The following ACVR2A variants were observed in gnomAD, a reference collection of about 807,000 sequenced individuals.
ACVR2A encodes the protein activin receptor type-2A.
A neutral mutation model predicts 61.4 loss-of-function variants in ACVR2A; 7 were observed. That is an observed-to-expected ratio of 0.11 (90% CI 0.06 to 0.21). The LOEUF is 0.21. ACVR2A is among the 10% of genes least tolerant of loss of function. ACVR2A has a pLI of 1.00. For synonymous variants in ACVR2A, 193 were observed against 208.3 expected, an observed-to-expected ratio of 0.93 and a Z score of 0.63; for missense variants, 322 against 621.7, an observed-to-expected ratio of 0.52 and a Z score of 5.13.
chr2:147,905,041 A>G (rs925810200), intron 4 of ACVR2A, among the ~76,000 whole-genome samples: 5 of 152,078 alleles, frequency 3.3e-5, no homozygotes, highest in Admixed American at 3.3e-4. Context: ...AAAGTTAATT[A>G]TAAATACATG....
intron 1 of ACVR2A, among the ~76,000 whole-genome samples, chr2:147,855,691 TA>T (rs377351487): frequency 0.013 from 1,869 of 148,892 alleles, 42 homozygotes; most frequent in African/African-American, 0.043. Context: ...TGTCATTGCT[TA>T]AAAAAAAAAC....
At chr2:147,922,949 CTT>C in intron 8 of ACVR2A, 22 bp from the exon 9 acceptor site, 1 of 1,595,220 alleles carries the variant, frequency 6.3e-7, no homozygotes, top group East Asian at 2.2e-5. Flanking sequence ...AATGAGTACT[CTT>C]TGCTTTTAAC....
In ACVR2A at chr2:147,915,112, A is replaced by G; in HGVS notation, c.529-79A>G. 5 of 1,370,854 alleles carry G rather than the reference A, an allele frequency of 3.6e-6. No individual in the cohort carries two copies. The South Asian group carries it at 5.0e-5, about 14-fold the overall frequency. 84.9% of individuals were successfully genotyped at this position (1,370,854 alleles called of 1,614,324 possible). Reference sequence around the variant, plus strand: ...TTTCTGTCAGTTGACTTTTCAGTATACTCACTTTTTTTCTCATTTTCAGAG... The same window carrying G: ...TTTCTGTCAGTTGACTTTTCAGTATGCTCACTTTTTTTCTCATTTTCAGAG... On this transcript the variant is annotated intron_variant, in intron 4 of 10. Coordinates refer to ENST00000241416, the MANE Select transcript of ACVR2A (RefSeq NM_001616.5).
chr2:147,872,802 G>A (rs185879953), intron 1 of ACVR2A, among the ~76,000 whole-genome samples: 1 of 151,734 alleles, frequency 6.6e-6, no homozygotes, highest in Admixed American at 6.6e-5. Context: ...TCCTTTGTTA[G>A]AGGTAGCCAT....
chr2:147,879,161 G>C (rs749423026), intron 1 of ACVR2A, among the ~76,000 whole-genome samples: 11 of 152,112 alleles, frequency 7.2e-5, no homozygotes, highest in Non-Finnish European at 1.6e-4. Context: ...GGTGATAACT[G>C]TTTTTCAACT....
intron 7 of ACVR2A, among the ~76,000 whole-genome samples, chr2:147,919,949 C>T (rs900789196): frequency 9.9e-5 from 15 of 152,058 alleles, no homozygotes; most frequent in Non-Finnish European, 1.2e-4. Context: ...AGGTGGGTGA[C>T]ATAGATAACA....
chr2:147,865,359 C>T (rs555801180), intron 1 of ACVR2A, among the ~76,000 whole-genome samples: 4 of 152,176 alleles, frequency 2.6e-5, no homozygotes, highest in Non-Finnish European at 5.9e-5. Flanking sequence ...ACATAATTCT[C>T]TCAAAGATTA....
chr2:147,922,373 A>C (rs1300785625), intron 8 of ACVR2A, among the ~76,000 whole-genome samples: 3 of 151,586 alleles, frequency 2.0e-5, no homozygotes, highest in Non-Finnish European at 4.4e-5. Context: ...CAGCTATCTC[A>C]CAAATATTTT....
At chr2:147,863,722 G>A (rs1179861969) in intron 1 of ACVR2A, among the ~76,000 whole-genome samples, 3 of 152,170 alleles carry the variant, frequency 2.0e-5, no homozygotes, top group Non-Finnish European at 4.4e-5. Context: ...TCTGCATACA[G>A]GTGGATTCAC....
intron 4 of ACVR2A, among the ~76,000 whole-genome samples, chr2:147,911,310 C>T (rs1294076229): frequency 6.6e-6 from 1 of 151,996 alleles, no homozygotes; most frequent in Non-Finnish European, 1.5e-5. Context: ...ATTTGTTTAC[C>T]ACCTATCTCT....
chr2:147,889,313 A>G (rs568560994), intron 1 of ACVR2A, among the ~76,000 whole-genome samples: 2 of 152,300 alleles, frequency 1.3e-5, no homozygotes, highest in Admixed American at 6.5e-5. Context: ...TACTGGTCTC[A>G]TAAAATGAGT....
chr2:147,923,634 A>G (rs1356011379), intron 9 of ACVR2A, among the ~76,000 whole-genome samples: 1 of 152,046 alleles, frequency 6.6e-6, no homozygotes, highest in East Asian at 1.9e-4. Flanking sequence ...AAATTTTCAG[A>G]CGATATTTCC....
intron 2 of ACVR2A, among the ~76,000 whole-genome samples, chr2:147,897,321 A>G (rs1686762101): frequency 6.6e-6 from 1 of 152,160 alleles, no homozygotes; most frequent in Non-Finnish European, 1.5e-5. Context: ...CCCAAGAGAC[A>G]TTTTAACTTG....
chr2:147,912,659 AACTT>A (rs942743858), intron 4 of ACVR2A, among the ~76,000 whole-genome samples: 3 of 151,998 alleles, frequency 2.0e-5, no homozygotes, highest in African/African-American at 4.8e-5. Context: ...GGATGAGTGA[AACTT>A]ACAGATGAAT....
intron 2 of ACVR2A, among the ~76,000 whole-genome samples, chr2:147,899,019 A>G (rs192960040): frequency 6.6e-6 from 1 of 152,178 alleles, no homozygotes; most frequent in Non-Finnish European, 1.5e-5. Flanking sequence ...ATATGTATAC[A>G]TACACACACA....
intron 1 of ACVR2A, among the ~76,000 whole-genome samples, chr2:147,857,566 A>C (rs1254715212): frequency 6.6e-6 from 1 of 151,588 alleles, no homozygotes; most frequent in Non-Finnish European, 1.5e-5. Flanking sequence ...AAAACCCCTA[A>C]CACTTGCTTT....
intron 1 of ACVR2A, among the ~76,000 whole-genome samples, chr2:147,880,979 A>C (rs1045345978): frequency 6.6e-6 from 1 of 152,126 alleles, no homozygotes; most frequent in Non-Finnish European, 1.5e-5. Flanking sequence ...TTTAATGGAA[A>C]TCTATCCCTT....
chr2:147,877,928 T>G (rs974505497), intron 1 of ACVR2A, among the ~76,000 whole-genome samples: 5 of 152,240 alleles, frequency 3.3e-5, no homozygotes, highest in East Asian at 3.8e-4. Flanking sequence ...TTTACATTTA[T>G]CATGCTGCTT....
At chr2:147,868,974 GT>G (rs1011975590) in intron 1 of ACVR2A, among the ~76,000 whole-genome samples, 7 of 151,776 alleles carry the variant, frequency 4.6e-5, no homozygotes, top group African/African-American at 1.5e-4. Context: ...AAGATGTTTT[GT>G]TTTGTTTTTT....
Sources: allele counts gnomAD v4.1 joint callset (sites outside exome capture counted in the v4.1 genomes callset), GRCh38; gene constraint gnomAD v4.1.1; transcripts MANE v1.5; gene names NCBI Gene and HGNC (gene_info 2026-07-23, HGNC 2026-07-21).